Variants in PTPRA observed in about 807,000 individuals in gnomAD.
PTPRA encodes the protein protein tyrosine phosphatase receptor type A.
Under a neutral mutation model 104.8 loss-of-function variants are expected in PTPRA, and 25 were observed. That is an observed-to-expected ratio of 0.24 (90% CI 0.17 to 0.33). PTPRA has a LOEUF of 0.33. Ranked by LOEUF, PTPRA falls within the 10% of genes least tolerant of loss-of-function variation. The pLI, the probability that PTPRA is intolerant of heterozygous loss-of-function variation, is 1.00. For synonymous variants in PTPRA, 323 were observed against 368.9 expected (o/e 0.88, Z 1.43); for missense variants, 765 against 1,015.3 (o/e 0.75, Z 3.35).
chr20:2,925,444 T>C (rs747517846), intron 2 of PTPRA, among the ~76,000 whole-genome samples: 1 of 152,232 alleles, frequency 6.6e-6, no homozygotes, highest in Non-Finnish European at 1.5e-5. Context: ...TATACCACTT[T>C]ATGTGTATCC....
chr20:2,963,260 C>G (rs1268308339), intron 3 of PTPRA, among the ~76,000 whole-genome samples: 3 of 152,176 alleles, frequency 2.0e-5, no homozygotes, highest in Non-Finnish European at 2.9e-5. Flanking sequence ...GGACTGCTCC[C>G]TAGCTCTCAC....
chr20:3,036,973 A>AT (rs2065829864), intron 22 of PTPRA, among the ~76,000 whole-genome samples, 181 bp from the exon 23 acceptor site: 1 of 152,170 alleles, frequency 6.6e-6, no homozygotes, highest in Non-Finnish European at 1.5e-5. Context: ...ACATGGGGCC[A>AT]TGCAGGAAGG....
intron 3 of PTPRA, among the ~76,000 whole-genome samples, chr20:2,953,337 C>G (rs1026234234): frequency 6.6e-6 from 1 of 152,048 alleles, no homozygotes; most frequent in African/African-American, 2.4e-5. Flanking sequence ...TCACTGCAAC[C>G]TCTGCCCCCC....
chr20:2,912,466 A>G (rs1199604716), intron 1 of PTPRA, among the ~76,000 whole-genome samples: 1 of 152,156 alleles, frequency 6.6e-6, no homozygotes. Context: ...TCTACAAAAA[A>G]TACAAAAATT....
intron 20 of PTPRA, among the ~76,000 whole-genome samples, chr20:3,032,987 C>T (rs2065580658): frequency 1.3e-5 from 2 of 151,782 alleles, no homozygotes; most frequent in South Asian, 2.1e-4. Flanking sequence ...CACTTACTTC[C>T]GTAGCATCAC....
chr20:3,007,836 GTGTA>G (rs756744000), intron 11 of PTPRA, among the ~76,000 whole-genome samples: 46 of 149,912 alleles, frequency 3.1e-4, no homozygotes, highest in South Asian at 4.2e-4. Context: ...GTCTGTGTGT[GTGTA>G]TATATATATA....
At chr20:3,019,023 C>CG (rs1335618839) in intron 13 of PTPRA, among the ~76,000 whole-genome samples, 1 of 133,852 alleles carries the variant, frequency 7.5e-6, no homozygotes, top group East Asian at 2.4e-4. Flanking sequence ...GCTGGCCGGG[C>CG]GGGGGGGCTG....
chr20:3,026,269 A>G (rs1048871355), intron 17 of PTPRA, among the ~76,000 whole-genome samples: 2 of 152,088 alleles, frequency 1.3e-5, no homozygotes, highest in Non-Finnish European at 2.9e-5. Flanking sequence ...GGTGAAGCCA[A>G]CGCTGCTGGT....
chr20:2,872,579 C>T (rs2089455960), upstream of PTPRA, among the ~76,000 whole-genome samples: 2 of 152,270 alleles, frequency 1.3e-5, no homozygotes, highest in Admixed American at 6.5e-5. This position sits in a 1 kb window ranked among gnomAD's most constrained non-coding sequence, Gnocchi z 7.9. Flanking sequence ...TCGCATTTGC[C>T]ACCACCTATC....
chr20:2,953,089 A>T (rs959919983), intron 3 of PTPRA, among the ~76,000 whole-genome samples: 1 of 152,094 alleles, frequency 6.6e-6, no homozygotes, highest in East Asian at 1.9e-4. Flanking sequence ...TTGCTGGGTC[A>T]TATGTTAATA....
intron 2 of PTPRA, among the ~76,000 whole-genome samples, chr20:2,941,772 G>A (rs892437350): frequency 2.6e-5 from 4 of 152,066 alleles, no homozygotes; most frequent in Non-Finnish European, 5.9e-5. Flanking sequence ...CTGAGGTTAC[G>A]GACTGGCATG....
intron 9 of PTPRA, among the ~76,000 whole-genome samples, chr20:2,992,412 G>C (rs1481052278): frequency 6.6e-6 from 1 of 152,162 alleles, no homozygotes; most frequent in Non-Finnish European, 1.5e-5. Flanking sequence ...AGCTACTCGG[G>C]AGGTTGAGGC....
intron 3 of PTPRA, among the ~76,000 whole-genome samples, chr20:2,954,900 T>C (rs769863849): frequency 3.9e-5 from 6 of 152,252 alleles, no homozygotes; most frequent in Admixed American, 6.5e-5. Context: ...TCCAGCGTTA[T>C]TGTTTCACGT....
At chr20:2,961,037 G>T (rs2061737471) in intron 3 of PTPRA, among the ~76,000 whole-genome samples, 1 of 152,094 alleles carries the variant, frequency 6.6e-6, no homozygotes, top group Non-Finnish European at 1.5e-5. Flanking sequence ...CCTGCTGAAG[G>T]ATATCTTGAT....
chr20:2,996,685 G>T (rs2063408706), intron 9 of PTPRA, among the ~76,000 whole-genome samples: 1 of 152,030 alleles, frequency 6.6e-6, no homozygotes, highest in African/African-American at 2.4e-5. Context: ...ATTTACAGAA[G>T]AAATACAGAT....
chr20:2,939,552 C>T (rs1429369774), intron 2 of PTPRA, among the ~76,000 whole-genome samples: 1 of 152,216 alleles, frequency 6.6e-6, no homozygotes, highest in African/African-American at 2.4e-5. Flanking sequence ...TGAGCTGCCC[C>T]TTTCCCAGTT....
intron 1 of PTPRA, among the ~76,000 whole-genome samples, chr20:2,887,916 G>A (rs1012817382): frequency 2.0e-5 from 3 of 152,176 alleles, no homozygotes; most frequent in African/African-American, 2.4e-5. Flanking sequence ...CTCTGCTCAC[G>A]CTGTCTGTGA....
At chr20:2,947,002 C>G (rs2061160683) in intron 2 of PTPRA, among the ~76,000 whole-genome samples, 1 of 152,004 alleles carries the variant, frequency 6.6e-6, no homozygotes. Flanking sequence ...GAGAAGATGC[C>G]TGAGATGTGA....
chr20:2,885,196 C>T (rs2090312843), intron 1 of PTPRA, among the ~76,000 whole-genome samples: 1 of 152,104 alleles, frequency 6.6e-6, no homozygotes, highest in Admixed American at 6.6e-5. Context: ...TCTCCATATC[C>T]TTGTCAACAC....
Sources: allele counts gnomAD v4.1 joint callset (sites outside exome capture counted in the v4.1 genomes callset), GRCh38; gene constraint gnomAD v4.1.1; non-coding constraint Gnocchi (gnomAD v3.1); transcripts MANE v1.5; gene names NCBI Gene and HGNC (gene_info 2026-07-23, HGNC 2026-07-21).